Variants in PRKN observed in about 807,000 individuals in gnomAD.
PRKN encodes E3 ubiquitin-protein ligase parkin.
A neutral mutation model predicts 59.5 loss-of-function variants in PRKN; 56 were observed. The observed-to-expected ratio is 0.94, with a 90% CI of 0.76 to 1.18. The LOEUF (loss-of-function observed/expected upper bound fraction) is 1.18. Among genes scored for constraint, PRKN ranks in the 50% most tolerant of loss-of-function variants. PRKN has a pLI of 0.00. For synonymous variants in PRKN, 250 were observed against 222.1 expected, an observed-to-expected ratio of 1.13 and a Z score of -1.12; for missense variants, 657 against 596.4, an observed-to-expected ratio of 1.10 and a Z score of -1.06.
intron 6 of PRKN, among the ~76,000 whole-genome samples, chr6:161,933,049 G>A (rs1272764189): frequency 6.6e-6 from 1 of 152,218 alleles, no homozygotes; most frequent in East Asian, 1.9e-4. Context: ...GGAGGCGGAG[G>A]CAGGCGGATC....
chr6:161,898,209 T>C (rs951613913), intron 6 of PRKN, among the ~76,000 whole-genome samples: 2 of 152,080 alleles, frequency 1.3e-5, no homozygotes, highest in Non-Finnish European at 2.9e-5. Flanking sequence ...AACTAAGATA[T>C]TACAAATGAA....
At position 161,369,891 on chromosome 6, in the gene PRKN, G is replaced by A. The variant is rs572988652; in HGVS notation, c.1168-9686C>T. Reference sequence around the variant, plus strand: ...CCCTCAGAAAGGTAAAGGCATGATCGTCCATCTGTGGCTCAAGAGGAATAA... The same window carrying A: ...CCCTCAGAAAGGTAAAGGCATGATCATCCATCTGTGGCTCAAGAGGAATAA... On this transcript the variant is annotated intron_variant, in intron 10 of 11. Transcript: ENST00000366898. This position sits in a 1 kb window ranked among gnomAD's most constrained non-coding sequence, Gnocchi z 5.8. The A allele has an allele frequency of 7.2e-5, 25 of 348,496 alleles. No individual in the cohort carries two copies. Among genetic ancestry groups the A allele is most frequent in the African/African-American group, 3.1e-4 (15 of 48,836 alleles). The allele number at this position is 348,496 out of a possible 1,614,324, so 21.6% of individuals were successfully genotyped here.
intron 7 of PRKN, among the ~76,000 whole-genome samples, chr6:161,608,256 A>T (rs1782356276): frequency 6.6e-6 from 1 of 152,180 alleles, no homozygotes; most frequent in African/African-American, 2.4e-5. Context: ...GGGCTGAATT[A>T]ATGACGACTT....
At position 161,549,834 on chromosome 6, in the gene PRKN, C is replaced by T. The variant is rs116357950; in HGVS notation, c.934-831G>A. Among the ~76,000 whole-genome samples the T allele has an allele frequency of 0.029, 4,436 of 152,224 alleles. 78 individuals carry two copies. Among genetic ancestry groups the T allele is most frequent in the African/African-American group, 0.038 (1,596 of 41,536 alleles). On this transcript the variant is annotated intron_variant, in intron 8 of 11. Transcript: ENST00000366898. The surrounding 1 kb of genome is among the most constrained non-coding windows in gnomAD (Gnocchi z 6.0). The stretch of plus-strand genomic sequence containing the variant: ...GAGCCTACTACATTCCAGACTCTAT[C>T]GAGGCGCTGGGGATACAGCAGTGAA...
intron 4 of PRKN, among the ~76,000 whole-genome samples, chr6:162,197,932 C>G (rs1042040884): frequency 2.0e-5 from 3 of 152,006 alleles, no homozygotes; most frequent in Admixed American, 1.3e-4. Flanking sequence ...AACTAGAGAC[C>G]CAAGCTGAAA....
intron 7 of PRKN, among the ~76,000 whole-genome samples, chr6:161,604,423 T>C (rs910672616): frequency 5.3e-5 from 8 of 152,066 alleles, no homozygotes; most frequent in African/African-American, 1.9e-4. Context: ...CATGGTGATA[T>C]GGATGGGGGT....
chr6:162,475,566 TGA>T (rs1276367052), intron 1 of PRKN, among the ~76,000 whole-genome samples: 1 of 134,924 alleles, frequency 7.4e-6, no homozygotes, highest in Non-Finnish European at 1.6e-5. Flanking sequence ...TGTATGCATG[TGA>T]GTGTGTGTGT....
In PRKN at chr6:161,554,500, A is replaced by G. The variant is rs1390644669; in HGVS notation, c.934-5497T>C. ...TTTCCCAGTAATTTTGATTGCTTGAATCTTGTTCTCTAGTAAATTCCTCAG... is the reference window on the plus strand; with the variant it reads ...TTTCCCAGTAATTTTGATTGCTTGAGTCTTGTTCTCTAGTAAATTCCTCAG... On this transcript the variant is annotated intron_variant, in intron 8 of 11. Coordinates refer to ENST00000366898, the MANE Select transcript of PRKN (RefSeq NM_004562.3). The surrounding 1 kb of genome is among the most constrained non-coding windows in gnomAD (Gnocchi z 4.5). 6.6e-6 allele frequency among the ~76,000 whole-genome samples: 1 copy of G among 151,796 alleles called. No homozygotes were observed. The highest frequency in any genetic ancestry group is 1.5e-5 in the Non-Finnish European group (1 of 67,972).
intron 7 of PRKN, among the ~76,000 whole-genome samples, chr6:161,645,402 A>G (rs1783888007): frequency 6.6e-6 from 1 of 152,358 alleles, no homozygotes; most frequent in South Asian, 2.1e-4. Context: ...AGTTGGAATT[A>G]TTGGTCTCAT....
intron 6 of PRKN, among the ~76,000 whole-genome samples, chr6:161,792,022 G>C (rs1790658660): frequency 6.6e-6 from 1 of 152,216 alleles, no homozygotes; most frequent in African/African-American, 2.4e-5. Flanking sequence ...CTATGGTGAA[G>C]TCCATGTAGC....
chr6:162,215,900 T>G (rs1269300951), intron 3 of PRKN, among the ~76,000 whole-genome samples: 1 of 151,900 alleles, frequency 6.6e-6, no homozygotes, highest in Non-Finnish European at 1.5e-5. Context: ...AAAAATTAGC[T>G]GGCATGGTGG....
rs1460215330 is a variant in PRKN at position 162,717,556 on chromosome 6, ATCT to A, written c.7+10103_7+10105del. On this transcript the variant is annotated intron_variant, in intron 1 of 11. Transcript: ENST00000366898. ...ACTCCAGTCTGAGTGACAGAGGGAG[ATCT>A]TGTCTCAAAAAAAAAAAAAAAAAAA... Among the ~76,000 whole-genome samples the A allele has an allele frequency of 6.9e-5, 9 of 129,994 alleles. No homozygotes were observed. The South Asian group carries it at 2.1e-3, about 30-fold the overall frequency. The allele number at this position is 129,994 out of a possible 152,430, so 85.3% of individuals were successfully genotyped here.
At chr6:162,207,840 A>C (rs1426999966) in intron 3 of PRKN, among the ~76,000 whole-genome samples, 5 of 152,170 alleles carry the variant, frequency 3.3e-5, no homozygotes, top group Non-Finnish European at 1.5e-5. Flanking sequence ...CTCAATAGGT[A>C]TTTGCTAGGT....
intron 7 of PRKN, among the ~76,000 whole-genome samples, chr6:161,779,694 C>T (rs990101620): frequency 9.2e-5 from 14 of 152,140 alleles, no homozygotes; most frequent in African/African-American, 2.4e-4. Context: ...CTGCCTACCT[C>T]GTCCTACCAA....
chr6:161,534,805 A>G (rs1432632489), intron 9 of PRKN, among the ~76,000 whole-genome samples: 1 of 152,220 alleles, frequency 6.6e-6, no homozygotes, highest in Non-Finnish European at 1.5e-5. Flanking sequence ...TTACTGATTT[A>G]TTTTAAATAT....
Position 161,788,776 on chromosome 6 carries a change from C to T in PRKN, c.735-2868G>A, listed in dbSNP as rs1400842777. ...TGTGTGTGTTTCTGCATGTCCTCTT[C>T]GGAAAAGAAAGAAATTTACAAGTTA... On this transcript the variant is annotated intron_variant, in intron 6 of 11. Transcript: ENST00000366898. Among the ~76,000 whole-genome samples the T allele has an allele frequency of 5.3e-5, 8 of 152,124 alleles. No homozygotes were observed. In the South Asian group the frequency reaches 6.2e-4, roughly 12 times the overall value.
intron 2 of PRKN, among the ~76,000 whole-genome samples, chr6:162,371,956 T>A (rs569992022): frequency 2.6e-5 from 4 of 152,226 alleles, no homozygotes; most frequent in Non-Finnish European, 4.4e-5. Context: ...GATTGGCAGA[T>A]TATTTTGCTC....
intron 1 of PRKN, among the ~76,000 whole-genome samples, chr6:162,646,924 T>C (rs1377522562): frequency 2.0e-5 from 3 of 152,174 alleles, no homozygotes; most frequent in South Asian, 2.1e-4. Context: ...CAGTCTGTCA[T>C]TGACCAAAAC....
chr6:161,728,382 A>C (rs1307187302), intron 7 of PRKN, among the ~76,000 whole-genome samples: 1 of 152,188 alleles, frequency 6.6e-6, no homozygotes, highest in East Asian at 1.9e-4. Context: ...AAGAACAACC[A>C]GTCACATTAG....
Sources: allele counts gnomAD v4.1 joint callset (sites outside exome capture counted in the v4.1 genomes callset), GRCh38; gene constraint gnomAD v4.1.1; non-coding constraint Gnocchi (gnomAD v3.1); transcripts MANE v1.5; gene names NCBI Gene and HGNC (gene_info 2026-07-23, HGNC 2026-07-21).